The following GLT8D2 variants were observed in gnomAD, a reference collection of about 807,000 sequenced individuals.
The protein encoded by GLT8D2 is glycosyltransferase 8 domain-containing protein 2.
Under a neutral mutation model 44.5 loss-of-function variants are expected in GLT8D2, and 45 were observed. That is an observed-to-expected ratio of 1.01 (90% confidence interval 0.80 to 1.30). The LOEUF is 1.30. Ranked by LOEUF, GLT8D2 falls within the 50% of genes most tolerant of loss-of-function variation. The pLI, the probability that GLT8D2 is intolerant of heterozygous loss-of-function variation, is 0.00. For missense variants in GLT8D2, 400 were observed against 430.4 expected (o/e 0.93, Z 0.62); for synonymous variants, 156 against 157.2 (o/e 0.99, Z 0.06).
At chr12:103,995,366 G>A (rs12424552) in intron 8 of GLT8D2, among the ~76,000 whole-genome samples, 6 of 152,082 alleles carry the variant, frequency 3.9e-5, no homozygotes, top group Admixed American at 2.0e-4. Flanking sequence ...CAGCAACAGC[G>A]ACCACCTTTA....
chr12:104,051,930 A>G (rs1181476743), upstream of GLT8D2, among the ~76,000 whole-genome samples: 1 of 152,200 alleles, frequency 6.6e-6, no homozygotes, highest in Non-Finnish European at 1.5e-5. Context: ...ATCTTTACAA[A>G]TTATATGAAT....
At chr12:104,063,059 T>G (rs915765738) in intron 1 of GLT8D2, among the ~76,000 whole-genome samples, 1 of 152,130 alleles carries the variant, frequency 6.6e-6, no homozygotes, top group Non-Finnish European at 1.5e-5. Context: ...AACAGTTTCA[T>G]GCCAAAACCA....
At chr12:104,039,383 T>C (rs1593566350) in intron 1 of GLT8D2, among the ~76,000 whole-genome samples, 4 of 152,274 alleles carry the variant, frequency 2.6e-5, no homozygotes, top group Admixed American at 2.6e-4. Flanking sequence ...AGAAAATTTT[T>C]GCAATCTACC....
rs547392677 is a variant in GLT8D2, at chr12:104,032,466, C to CAA, written c.-163-10977_-163-10976dup. 1.7e-3 allele frequency among the ~76,000 whole-genome samples: 100 copies of CAA among 59,648 alleles called. 1 individual carries two copies. Among genetic ancestry groups the CAA allele is most frequent in the East Asian group, 2.7e-3 (10 of 3,640 alleles). The allele number at this position is 59,648 out of a possible 152,430, so 39.1% of individuals were successfully genotyped here. On this transcript the variant is annotated intron_variant, in intron 1 of 10. Transcript: ENST00000360814. ...ATAATAAAGGAGTGATGTGCAATAG[C>CAA]AAAAAAAAAAAAAAAAAAAAAAAAA...
At chr12:104,000,266 A>T (rs560560758) in intron 5 of GLT8D2, among the ~76,000 whole-genome samples, 1 of 152,228 alleles carries the variant, frequency 6.6e-6, no homozygotes, top group Non-Finnish European at 1.5e-5. Flanking sequence ...AGATAGACTA[A>T]CAGCAAAATA....
Position 103,999,414 on chromosome 12 carries a change from G to C in GLT8D2, c.385C>G (p.Pro129Ala). The change falls in exon 6 of 11, where the codon CCT becomes GCT. Residue 129 changes from proline to alanine, a missense_variant. Pro to Ala is a conservative substitution (Grantham distance 27, BLOSUM62 -1). Transcript: ENST00000360814. Reference protein sequence around the residue: ...KGKIRPDSSRPELLQPLNFVR... With the variant: ...KGKIRPDSSRAELLQPLNFVR... ...CTACTTACAGGCTGGAGCAATTCAG[G>C]CCTCGATGAGTCTGGTCTGATCTTC... The C allele has an allele frequency of 6.2e-7, 1 of 1,607,754 alleles. No individual in the cohort carries two copies. The highest frequency in any genetic ancestry group is 8.5e-7 in the Non-Finnish European group (1 of 1,174,262).
At chr12:104,044,017 G>A (rs371736523) in intron 1 of GLT8D2, among the ~76,000 whole-genome samples, 2 of 152,164 alleles carry the variant, frequency 1.3e-5, no homozygotes, top group African/African-American at 4.8e-5. Flanking sequence ...AATAGGAGTC[G>A]CATTGTGCTG....
At chr12:104,030,200 A>T (rs1359069197) in intron 1 of GLT8D2, among the ~76,000 whole-genome samples, 1 of 152,160 alleles carries the variant, frequency 6.6e-6, no homozygotes, top group East Asian at 1.9e-4. Flanking sequence ...AAATAAATCC[A>T]CGCATATATG....
chr12:104,008,795 A>C (rs1305265972), intron 4 of GLT8D2, among the ~76,000 whole-genome samples: 1 of 152,066 alleles, frequency 6.6e-6, no homozygotes, highest in Non-Finnish European at 1.5e-5. Context: ...TGTCCCAGCC[A>C]CTCCAGCCAT....
intron 1 of GLT8D2, among the ~76,000 whole-genome samples, chr12:104,048,526 T>A (rs1593574467): frequency 3.9e-5 from 6 of 152,308 alleles, no homozygotes; most frequent in Admixed American, 3.9e-4. Context: ...ATGAGGGCTG[T>A]GCCTTAATGA....
rs538334555 is a variant in GLT8D2 at position 103,994,761 on chromosome 12, G to A, written c.601-260C>T. On this transcript the variant is annotated intron_variant, in intron 8 of 10. Coordinates refer to ENST00000360814, the MANE Select transcript of GLT8D2 (RefSeq NM_001384711.1). The stretch of plus-strand genomic sequence containing the variant: ...ATAAACAGCCTTGTCCAGTCTCATG[G>A]CTCTAAATACCACCCATCTGACAGC... 3.3e-5 allele frequency among the ~76,000 whole-genome samples: 5 copies of A among 152,058 alleles called. No individual in the cohort carries two copies. In the South Asian group the frequency reaches 6.2e-4, roughly 19 times the overall value.
intron 1 of GLT8D2, among the ~76,000 whole-genome samples, chr12:104,045,684 G>A (rs1881007928): frequency 6.6e-6 from 1 of 152,060 alleles, no homozygotes; most frequent in African/African-American, 2.4e-5. Flanking sequence ...TTTGAGACCT[G>A]GCAGTGGCTA....
intron 3 of GLT8D2, among the ~76,000 whole-genome samples, chr12:104,016,743 GA>G (rs1202083835): frequency 2.0e-5 from 2 of 99,764 alleles, no homozygotes; most frequent in Admixed American, 1.1e-4. Flanking sequence ...AAGAAAGAAA[GA>G]AAGAAAGAAA....
At chr12:104,016,819 GAGAAAGAAAAGAAAGAA>G (rs1876842670) in intron 3 of GLT8D2, among the ~76,000 whole-genome samples, 2 of 66,144 alleles carry the variant, frequency 3.0e-5, no homozygotes, top group Non-Finnish European at 6.2e-5. Flanking sequence ...AAGAAAGAAA[GAGAAAGAAAAGAAAGAA>G]AGAAAGAAAG....
At chr12:104,014,952 A>G in intron 4 of GLT8D2, 61 bp downstream of exon 4, 2 of 1,184,504 alleles carry the variant, frequency 1.7e-6, no homozygotes, top group Non-Finnish European at 2.5e-6. Flanking sequence ...AAGGACCTAG[A>G]GGAACATATT....
chr12:104,012,883 A>G, intron 4 of GLT8D2: 1 of 685,076 alleles, frequency 1.5e-6, no homozygotes, highest in Non-Finnish European at 2.6e-6. Flanking sequence ...GGAATGCAGC[A>G]CAGAGAAAAG....
At chr12:104,025,890 C>G (rs893232451) in intron 1 of GLT8D2, among the ~76,000 whole-genome samples, 8 of 152,264 alleles carry the variant, frequency 5.3e-5, no homozygotes, top group African/African-American at 1.9e-4. Flanking sequence ...GTGATCCACA[C>G]AGGTTTTTTA....
upstream of GLT8D2, among the ~76,000 whole-genome samples, chr12:104,053,303 G>C (rs1881880674): frequency 1.3e-5 from 2 of 152,166 alleles, no homozygotes; most frequent in African/African-American, 2.4e-5. Flanking sequence ...GCTGTGCCAT[G>C]CTCCAAGGAT....
upstream of GLT8D2, chr12:104,064,384 C>A: frequency 1.9e-6 from 1 of 528,082 alleles, no homozygotes; most frequent in Non-Finnish European, 3.1e-6. The surrounding 1 kb of genome is among the most constrained non-coding windows in gnomAD (Gnocchi z 7.3). Flanking sequence ...CGGGGCTCCC[C>A]TGTCAGGACC....
Sources: gnomAD v4.1 joint callset for allele counts (sites outside exome capture counted in the v4.1 genomes callset) on GRCh38, gnomAD v4.1.1 for gene constraint, Gnocchi (gnomAD v3.1) non-coding constraint, MANE v1.5 for transcripts, NCBI Gene and HGNC (gene_info 2026-07-23, HGNC 2026-07-21) for gene names.